Variants in AQR observed in about 807,000 individuals in gnomAD.
AQR encodes RNA helicase aquarius.
A neutral mutation model predicts 180.5 loss-of-function variants in AQR; 61 were observed. That is an observed-to-expected ratio of 0.34 (90% CI 0.28 to 0.42). The LOEUF (loss-of-function observed/expected upper bound fraction) is 0.42, where lower values mean the gene tolerates loss of function less well. AQR is among the 10% of genes least tolerant of loss of function. AQR has a pLI of 1.00. For missense variants in AQR, 1,281 were observed against 1,798.3 expected (o/e 0.71, Z 5.20); for synonymous variants, 551 against 588.8 (o/e 0.94, Z 0.93).
intron 27 of AQR, 103 bp from the exon 28 acceptor site, chr15:34,876,109 G>A (rs558207656): frequency 1.3e-5 from 11 of 823,440 alleles, no homozygotes; most frequent in East Asian, 2.5e-5. Flanking sequence ...TGATAAAAAC[G>A]ACATACAAAT....
chr15:34,914,001 G>GA (rs979735354), intron 16 of AQR, among the ~76,000 whole-genome samples: 1 of 152,284 alleles, frequency 6.6e-6, no homozygotes, highest in African/African-American at 2.4e-5. Flanking sequence ...ACATGGAAGT[G>GA]AAAAAATAGA....
At chr15:34,945,153 T>C (rs1167599587) in intron 5 of AQR, among the ~76,000 whole-genome samples, 2 of 152,214 alleles carry the variant, frequency 1.3e-5, no homozygotes, top group Admixed American at 1.3e-4. Context: ...TAAATACCAA[T>C]GATTCCAAAT....
intron 5 of AQR, among the ~76,000 whole-genome samples, chr15:34,946,875 G>A (rs577820040): frequency 3.4e-5 from 5 of 147,114 alleles, no homozygotes; most frequent in East Asian, 2.1e-4. Context: ...CGCCCCGTCC[G>A]GGAGGGAGGT....
chr15:34,898,142 C>A (rs1030961826), intron 20 of AQR, among the ~76,000 whole-genome samples: 1 of 152,064 alleles, frequency 6.6e-6, no homozygotes, highest in African/African-American at 2.4e-5. Flanking sequence ...CGTATTTCGC[C>A]TGGGCATAGG....
At chr15:34,919,166 G>A (rs932782647) in intron 14 of AQR, among the ~76,000 whole-genome samples, 1 of 151,446 alleles carries the variant, frequency 6.6e-6, no homozygotes, top group African/African-American at 2.4e-5. Context: ...TTGAACCCGG[G>A]AGGCGGAAGT....
At chr15:34,967,358 C>T (rs2050315288) in intron 1 of AQR, among the ~76,000 whole-genome samples, 1 of 152,174 alleles carries the variant, frequency 6.6e-6, no homozygotes, top group Non-Finnish European at 1.5e-5. Flanking sequence ...TCTGTCACAG[C>T]CCTGTTTCAT....
chr15:34,937,866 A>G (rs1893967776), intron 9 of AQR, among the ~76,000 whole-genome samples: 1 of 151,712 alleles, frequency 6.6e-6, no homozygotes, highest in Non-Finnish European at 1.5e-5. Flanking sequence ...CCTGGCTGAC[A>G]GAGTGACACT....
chr15:34,903,551 C>T (rs1893365807), intron 19 of AQR, among the ~76,000 whole-genome samples: 1 of 152,066 alleles, frequency 6.6e-6, no homozygotes, highest in African/African-American at 2.4e-5. Context: ...TTAAGGATAT[C>T]TCCATTTGTG....
Position 34,934,617 on chromosome 15 carries a change from T to G in AQR, c.737A>C (p.Lys246Thr), listed in dbSNP as rs1447341644. 2 of 1,585,026 alleles carry G rather than the reference T, an allele frequency of 1.3e-6. No homozygotes were observed. Among genetic ancestry groups the G allele is most frequent in the African/African-American group, 2.7e-5 (2 of 73,422 alleles). ...AATGAATCTTTCACAGTAATGAACT[T>G]TGTCCATAGTGACAGGTTCTAGACA... ...VPLSEPVTMD[K>T]VHYCERFIEL... The change falls in exon 10 of 35, where the codon AAA becomes ACA. Residue 246 changes from lysine to threonine, a missense_variant. Physicochemically the swap from Lys to Thr is moderately conservative, Grantham distance 78 (BLOSUM62 -1). Transcript: ENST00000156471.
rs778547826 is a variant in AQR, at chr15:34,852,327, T to A, written c.*4465A>T. The A allele has an allele frequency of 6.6e-6, 1 of 152,200 alleles. No individual in the cohort carries two copies. The highest frequency in any genetic ancestry group is 1.5e-5 in the Non-Finnish European group (1 of 68,086). 9.4% of individuals were successfully genotyped at this position (152,200 alleles called of 1,614,324 possible). On this transcript the variant is annotated 3_prime_UTR_variant, in exon 35 of 35. Transcript: ENST00000156471. ...CTAGGACTACAGGTGCCTGCCACCA[T>A]GGCTGGCTAATTTTTGTCTTTTTAG... is the stretch of plus-strand genomic sequence containing the variant.
At chr15:34,868,288 G>A (rs958282467) in intron 31 of AQR, 1 of 151,812 alleles carries the variant, frequency 6.6e-6, no homozygotes. Flanking sequence ...TTGAGATCAT[G>A]ACACTACACT....
At position 34,963,661 on chromosome 15, in the gene AQR, C is replaced by CTTTTTTTTTCTTTTTTTT. The variant is rs1566793151; in HGVS notation, c.132+572_132+573insAAAAAAAAGAAAAAAAAA. ...CAGTTAAGTAAATTATACACGTACA[C>CTTTTTTTTTCTTTTTTTT]TTTTTTTTTTTCTTTTTTTTGAGAT... is the stretch of plus-strand genomic sequence containing the variant. On this transcript the variant is annotated intron_variant, in intron 2 of 34. Transcript: ENST00000156471. 5.4e-4 allele frequency among the ~76,000 whole-genome samples: 81 copies of CTTTTTTTTTCTTTTTTTT among 148,628 alleles called. 3 individuals are homozygous for CTTTTTTTTTCTTTTTTTT. Among genetic ancestry groups the CTTTTTTTTTCTTTTTTTT allele is most frequent in the African/African-American group, 1.9e-3 (77 of 39,580 alleles).
intron 15 of AQR, 94 bp downstream of exon 15, chr15:34,918,164 G>C: frequency 1.5e-6 from 2 of 1,328,060 alleles, no homozygotes; most frequent in Admixed American, 4.1e-5. Context: ...AATGTACAGA[G>C]TAGACTCAAG....
Position 34,910,167 on chromosome 15 carries a change from T to C in AQR, c.1631A>G (p.Asn544Ser), listed in dbSNP as rs1300864887. Reference protein sequence around the residue: ...RVRADVTINLNVRDHIKDEWE... With the variant: ...RVRADVTINLSVRDHIKDEWE... Reference sequence around the variant, plus strand: ...TTCATCTTTGATGTGATCTCTGACATTGAGATTTATGGTAACATCTGCACG... The same window carrying C: ...TTCATCTTTGATGTGATCTCTGACACTGAGATTTATGGTAACATCTGCACG... Residue 544 changes from asparagine to serine, a missense_variant, in exon 17 of 35, where the codon AAT (asparagine) becomes AGT (serine). Physicochemically the swap from Asn to Ser is conservative, Grantham distance 46. Coordinates refer to ENST00000156471, the MANE Select transcript of AQR (RefSeq NM_014691.3). 1.2e-6 allele frequency: 2 copies of C among 1,614,228 alleles called. No homozygotes were observed. The highest frequency in any genetic ancestry group is 2.2e-5 in the East Asian group (1 of 44,880).
chr15:34,908,157 T>C (rs1409306037), intron 17 of AQR, among the ~76,000 whole-genome samples: 1 of 152,202 alleles, frequency 6.6e-6, no homozygotes, highest in Non-Finnish European at 1.5e-5. Flanking sequence ...TTTACTTTTA[T>C]AAAACAATAT....
intron 30 of AQR, 68 bp downstream of exon 30, chr15:34,873,760 T>C (rs1444617568): frequency 7.6e-7 from 1 of 1,323,740 alleles, no homozygotes. Context: ...TGGTTAAGTA[T>C]CACTGATTTA....
intron 13 of AQR, 44 bp downstream of exon 13, chr15:34,926,991 G>C (rs1180850840): frequency 1.3e-5 from 16 of 1,190,088 alleles, no homozygotes; most frequent in Admixed American, 2.4e-5. Context: ...AATTGAGGGA[G>C]CATGATACAA....
chr15:34,883,933 C>T (rs1317718103), intron 26 of AQR, among the ~76,000 whole-genome samples: 1 of 152,086 alleles, frequency 6.6e-6, no homozygotes, highest in Non-Finnish European at 1.5e-5. Flanking sequence ...TTTTACTGAT[C>T]AAGAGGCATA....
At chr15:34,890,399 G>T in intron 23 of AQR, 75 bp from the exon 24 acceptor site, 2 of 1,243,384 alleles carry the variant, frequency 1.6e-6, no homozygotes, top group Non-Finnish European at 2.3e-6. Context: ...AATCAAAGTT[G>T]AAACACAGAA....
Sources: allele counts gnomAD v4.1 joint callset (sites outside exome capture counted in the v4.1 genomes callset), GRCh38; gene constraint gnomAD v4.1.1; transcripts MANE v1.5; gene names NCBI Gene and HGNC (gene_info 2026-07-23, HGNC 2026-07-21).